SMPD3: variants seen among roughly 807,000 people sequenced by gnomAD.
The protein encoded by SMPD3 is sphingomyelin phosphodiesterase 3, also known as nSMase-2.
Under a neutral mutation model 55.7 loss-of-function variants are expected in SMPD3, and 21 were observed. That is an observed-to-expected ratio of 0.38 (90% CI 0.27 to 0.54). The LOEUF is 0.54. Among genes scored for constraint, SMPD3 ranks in the 20% least tolerant of loss-of-function variants. SMPD3 has a pLI of 0.80. For missense variants in SMPD3, 842 were observed against 899.6 expected (o/e 0.94, Z 0.82); for synonymous variants, 457 against 404.3 (o/e 1.13, Z -1.56).
chr16:68,371,478 T>C lies in SMPD3; in HGVS notation c.704A>G (p.Asp235Gly). The C allele has an allele frequency of 1.9e-6, 3 of 1,598,312 alleles. No individual in the cohort carries two copies. Among genetic ancestry groups the C allele is most frequent in the South Asian group, 2.2e-5 (2 of 90,918 alleles). ...ANGPASGDPV[D>G]SSSPEDACIV... ...GCAGGCATCCTCCGGGCTGCTGCTG[T>C]CGACAGGGTCCCCAGAGGCTGGGCC... Residue 235 changes from aspartate (D) to glycine (G), a missense_variant, in exon 3 of 9, where the codon GAC (aspartate) becomes GGC (glycine). By Grantham distance (94) the Asp-to-Gly change is moderately conservative (BLOSUM62 -1). This residue lies in a region of SMPD3 where 649 missense variants were observed against 643.6 expected (regional missense o/e 1.01). Coordinates refer to ENST00000219334, the MANE Select transcript of SMPD3 (RefSeq NM_018667.4).
At chr16:68,415,824 G>A (rs1392452136) in intron 1 of SMPD3, among the ~76,000 whole-genome samples, 1 of 130,460 alleles carries the variant, frequency 7.7e-6, no homozygotes, top group Non-Finnish European at 1.6e-5. Context: ...TTTTTTTTAG[G>A]TTACAAGAGA....
intron 1 of SMPD3, among the ~76,000 whole-genome samples, chr16:68,410,075 G>T (rs932198762): frequency 3.9e-5 from 6 of 152,212 alleles, no homozygotes; most frequent in Non-Finnish European, 8.8e-5. Flanking sequence ...TGCCTGTCCC[G>T]AGGGCTGTAA....
intron 2 of SMPD3, among the ~76,000 whole-genome samples, chr16:68,383,334 G>A (rs550315515): frequency 3.3e-5 from 5 of 152,252 alleles, no homozygotes; most frequent in South Asian, 2.1e-4. Context: ...GCCCTCCCCC[G>A]CACACCACAA....
chr16:68,360,770 T>C lies in SMPD3; in HGVS notation c.*436A>G. 6.0e-6 allele frequency: 1 copy of C among 167,340 alleles called. No homozygotes were observed. Among genetic ancestry groups the C allele is most frequent in the Non-Finnish European group, 1.3e-5 (1 of 76,796 alleles). 10.4% of individuals were successfully genotyped at this position (167,340 alleles called of 1,614,324 possible). On this transcript the variant is annotated 3_prime_UTR_variant, in exon 9 of 9. Coordinates refer to ENST00000219334, the MANE Select transcript of SMPD3 (RefSeq NM_018667.4). ...GGGTGAGGCCCGAGCAAGGGGTCTG[T>C]GGCTACAGCGTGGCACGTGGCATGC... is the stretch of plus-strand genomic sequence containing the variant.
chr16:68,379,648 G>A (rs1016751693), intron 2 of SMPD3, among the ~76,000 whole-genome samples: 3 of 152,202 alleles, frequency 2.0e-5, no homozygotes, highest in Non-Finnish European at 2.9e-5. Flanking sequence ...GGTTATCAGA[G>A]CCATCTGTTG....
At chr16:68,403,382 T>C (rs2090227614) in intron 1 of SMPD3, among the ~76,000 whole-genome samples, 1 of 152,154 alleles carries the variant, frequency 6.6e-6, no homozygotes, top group African/African-American at 2.4e-5. Flanking sequence ...CCAATACAAA[T>C]TTGCTACAGG....
At position 68,371,287 on chromosome 16, in the gene SMPD3, G is replaced by A. The variant is rs201760728; in HGVS notation, c.895C>T (p.Arg299Trp). 4.8e-5 allele frequency: 77 copies of A among 1,603,012 alleles called. No homozygotes were observed. Among genetic ancestry groups the A allele is most frequent in the Non-Finnish European group, 5.6e-5 (66 of 1,178,972 alleles). ...GCTCGCCCCTTCACCAGGGACTCCC[G>A]GGAGGCCGAGGGGCTGCCCAGGCTC... The part of the protein sequence containing the change: ...SGSLGSPSAS[R>W]ESLVKGRAGP... The change falls in exon 3 of 9, where the codon CGG (arginine) becomes TGG (tryptophan). Residue 299 changes from arginine to tryptophan, a missense_variant. By Grantham distance (101) the Arg-to-Trp change is moderately radical. Around this residue, in one of 2 missense-constraint regions of SMPD3, gnomAD observed 649 missense variants for 643.6 expected, o/e 1.01. Coordinates refer to ENST00000219334, the MANE Select transcript of SMPD3 (RefSeq NM_018667.4).
chr16:68,363,351 T>C, intron 7 of SMPD3, 145 bp downstream of exon 7: 1 of 902,534 alleles, frequency 1.1e-6, no homozygotes, highest in South Asian at 1.4e-5. Context: ...TCAAAAGCTC[T>C]CAAAGGTGAG....
At chr16:68,392,481 C>A (rs1373550237) in intron 1 of SMPD3, among the ~76,000 whole-genome samples, 1 of 151,958 alleles carries the variant, frequency 6.6e-6, no homozygotes, top group Non-Finnish European at 1.5e-5. Context: ...GGGATGTAAC[C>A]CTGATAAGTT....
intron 1 of SMPD3, among the ~76,000 whole-genome samples, chr16:68,394,960 C>A (rs533322913): frequency 2.0e-5 from 3 of 151,976 alleles, no homozygotes; most frequent in Non-Finnish European, 4.4e-5. Context: ...GTTGAATGAC[C>A]CTTTGTTTTA....
chr16:68,403,370 T>C (rs2090227467), intron 1 of SMPD3, among the ~76,000 whole-genome samples: 1 of 152,306 alleles, frequency 6.6e-6, no homozygotes, highest in Non-Finnish European at 1.5e-5. Context: ...TCAGAGTAGA[T>C]GCCAATACAA....
rs1239938221 is a variant in SMPD3, at chr16:68,447,873, T to C, written c.-269+480A>G. ...GTCTTCCCTGCATCCCAAGCAGCCC[T>C]TCCTGAATACCCCTGGGAGGGTCTG... On this transcript the variant is annotated intron_variant, in intron 1 of 8. Transcript: ENST00000219334. This position sits in a 1 kb window ranked among gnomAD's most constrained non-coding sequence, Gnocchi z 5.1. Among the ~76,000 whole-genome samples, 1 of 152,026 alleles carries C rather than the reference T, an allele frequency of 6.6e-6. No individual in the cohort carries two copies. The highest frequency in any genetic ancestry group is 1.5e-5 in the Non-Finnish European group (1 of 67,988).
At chr16:68,395,349 C>T (rs899449074) in intron 1 of SMPD3, among the ~76,000 whole-genome samples, 5 of 152,238 alleles carry the variant, frequency 3.3e-5, no homozygotes, top group African/African-American at 4.8e-5. Context: ...TTTCACACTT[C>T]TTGGGAACTA....
Position 68,372,135 on chromosome 16 carries a change from A to C in SMPD3, c.47T>G (p.Leu16Arg), listed in dbSNP as rs1243165847. 1 of 1,612,858 alleles carries C rather than the reference A, an allele frequency of 6.2e-7. No homozygotes were observed. Among genetic ancestry groups the C allele is most frequent in the Admixed American group, 1.7e-5 (1 of 59,820 alleles). Reference protein sequence around the residue: ...TPFPNSCLSALHCVSWALIFP... With the variant: ...TPFPNSCLSARHCVSWALIFP... ...GATAAGGGCCCAGGACACACAGTGC[A>C]GGGCGGACAGACAGCTGTTAGGAAA... Residue 16 changes from leucine to arginine, a missense_variant, in exon 3 of 9, where the codon CTG (leucine) becomes CGG (arginine). Leu to Arg is a moderately radical substitution (Grantham distance 102). Coordinates refer to ENST00000219334, the MANE Select transcript of SMPD3 (RefSeq NM_018667.4).
chr16:68,422,839 A>C (rs2090406355), intron 1 of SMPD3, among the ~76,000 whole-genome samples: 2 of 152,158 alleles, frequency 1.3e-5, no homozygotes, highest in Admixed American at 6.5e-5. Context: ...CCTTCGTTAA[A>C]GTGAGGAGGT....
intron 3 of SMPD3, among the ~76,000 whole-genome samples, chr16:68,366,371 T>G (rs535608995): frequency 4.9e-4 from 75 of 152,354 alleles, no homozygotes; most frequent in African/African-American, 1.7e-3. Flanking sequence ...CCAGCCCTAA[T>G]GCACAGCCTT....
Position 68,361,248 on chromosome 16 carries a change from T to C in SMPD3, c.1926A>G (p.Val642=). Residue 642 remains valine, a synonymous_variant, in exon 9 of 9, where the codon GTA becomes GTG. Transcript: ENST00000219334. ...CCGAAGACACCATCAGTCGCATGGC[T>C]ACTGGCAGGTGGTCCGTCAGGCCGG... The part of the protein sequence containing the change: ...QLSGLTDHLP[V]AMRLMVSSGE... 1 of 1,613,908 alleles carries C rather than the reference T, an allele frequency of 6.2e-7. No homozygotes were observed. Among genetic ancestry groups the C allele is most frequent in the Non-Finnish European group, 8.5e-7 (1 of 1,179,954 alleles).
chr16:68,375,687 G>T lies in SMPD3; in HGVS notation c.-206-3300C>A, dbSNP rs1175097263. Among the ~76,000 whole-genome samples the T allele has an allele frequency of 2.6e-5, 4 of 152,196 alleles. No homozygotes were observed. In the East Asian group the frequency reaches 7.7e-4, roughly 29 times the overall value. On this transcript the variant is annotated intron_variant, in intron 2 of 8. Transcript: ENST00000219334. ...CCTGCTGTGATCCCAGAAACCCTGT[G>T]GGCCAGCTTCCCATGGCCCTGCCAG...
At chr16:68,366,583 A>C (rs1390604467) in intron 3 of SMPD3, among the ~76,000 whole-genome samples, 1 of 152,260 alleles carries the variant, frequency 6.6e-6, no homozygotes, top group African/African-American at 2.4e-5. Context: ...AGGCCACATG[A>C]GGCTGAGCAC....
Sources: gnomAD v4.1 joint callset for allele counts (sites outside exome capture counted in the v4.1 genomes callset) on GRCh38, gnomAD v4.1.1 for gene constraint, gnomAD v4.1.1 regional missense constraint, Gnocchi (gnomAD v3.1) non-coding constraint, MANE v1.5 for transcripts, NCBI Gene and HGNC (gene_info 2026-07-23, HGNC 2026-07-21) for gene names.